NAV2: variants seen among roughly 807,000 people sequenced by gnomAD.
NAV2 encodes the protein helicase, APC down-regulated 1.
Under a neutral mutation model 223.2 loss-of-function variants are expected in NAV2, and 54 were observed. The ratio of observed to expected loss-of-function variants is 0.24; its 90% confidence interval spans 0.19 to 0.30. NAV2 has a LOEUF of 0.30. Among genes scored for constraint, NAV2 ranks in the 10% least tolerant of loss-of-function variants. The pLI is 1.00. For synonymous variants in NAV2, 1,279 were observed against 1,239.3 expected, an observed-to-expected ratio of 1.03 and a Z score of -0.67; for missense variants, 2,806 against 3,147.5, an observed-to-expected ratio of 0.89 and a Z score of 2.60.
chr11:19,764,705 C>T lies in NAV2; in HGVS notation c.267+50743C>T, dbSNP rs540251012. Among the ~76,000 whole-genome samples, 7 of 152,180 alleles carry T rather than the reference C, an allele frequency of 4.6e-5. 1 individual carries two copies. In the South Asian group the frequency reaches 8.3e-4, roughly 18 times the overall value. On this transcript the variant is annotated intron_variant, in intron 1 of 37. Transcript: ENST00000349880. ...ATCATCATTCTTTATGTTATATGTG[C>T]GTGCATCTTGCATGAATGTATATAT... is the stretch of plus-strand genomic sequence containing the variant.
rs1047370159 is a variant in NAV2, at chr11:19,785,121, G to A, written c.268-47363G>A. On this transcript the variant is annotated intron_variant, in intron 1 of 37. Coordinates refer to ENST00000349880, the MANE Select transcript of NAV2 (RefSeq NM_145117.5). ...CGATCGGGTAGGTGACTTCATGCTG[G>A]GGCAGCCACAGGAAGAGTTTGGAAA... Among the ~76,000 whole-genome samples, 13 of 152,162 alleles carry A rather than the reference G, an allele frequency of 8.5e-5. No homozygotes were observed. The East Asian group carries it at 9.6e-4, about 11-fold the overall frequency.
At chr11:19,724,329 C>T (rs143255378) in intron 1 of NAV2, among the ~76,000 whole-genome samples, 181 of 152,294 alleles carry the variant, frequency 1.2e-3, no homozygotes, top group Non-Finnish European at 4.1e-4. Context: ...ATATTTTTTC[C>T]CCTCCTTCTA....
chr11:19,883,294 C>A (rs534938155), intron 5 of NAV2, among the ~76,000 whole-genome samples: 1 of 152,248 alleles, frequency 6.6e-6, no homozygotes, highest in East Asian at 1.9e-4. Flanking sequence ...GCTCCACTGG[C>A]ATGAAGGAAT....
intron 1 of NAV2, among the ~76,000 whole-genome samples, chr11:19,362,249 A>G (rs1024652188): frequency 6.6e-6 from 1 of 152,234 alleles, no homozygotes; most frequent in African/African-American, 2.4e-5. Flanking sequence ...TCTCGAAGCC[A>G]GCTCTATGTG....
chr11:19,429,284 T>C (rs566877017), intron 1 of NAV2, among the ~76,000 whole-genome samples: 1 of 135,714 alleles, frequency 7.4e-6, no homozygotes, highest in East Asian at 2.2e-4. Flanking sequence ...TGGGCACTTC[T>C]TGGCACGGCC....
intron 1 of NAV2, among the ~76,000 whole-genome samples, chr11:19,593,273 G>GT (rs2046112497): frequency 1.3e-5 from 2 of 152,080 alleles, no homozygotes; most frequent in Non-Finnish European, 1.5e-5. Flanking sequence ...CTTGGCTTTT[G>GT]TTTTTTTCCC....
intron 1 of NAV2, among the ~76,000 whole-genome samples, chr11:19,397,418 T>TGTGTGTGTGTGCGC (rs57566081): frequency 2.1e-4 from 30 of 145,356 alleles, no homozygotes; most frequent in African/African-American, 3.9e-4. Context: ...TGTGTGTGTG[T>TGTGTGTGTGTGCGC]GCGCGCATGT....
chr11:19,985,907 C>T (rs1041088299), intron 11 of NAV2, among the ~76,000 whole-genome samples: 1 of 151,588 alleles, frequency 6.6e-6, no homozygotes, highest in Non-Finnish European at 1.5e-5. Context: ...AGAAACTAAA[C>T]TCTCTGTAAC....
intron 1 of NAV2, among the ~76,000 whole-genome samples, chr11:19,490,582 T>C (rs1435201312): frequency 6.6e-6 from 1 of 152,230 alleles, no homozygotes; most frequent in Non-Finnish European, 1.5e-5. Context: ...AGTCACATCT[T>C]CAGGATCCAC....
At chr11:19,714,320 G>A (rs1252588125) in intron 1 of NAV2, 3 of 515,428 alleles carry the variant, frequency 5.8e-6, no homozygotes, top group African/African-American at 5.7e-5. Flanking sequence ...AGTATCCGCA[G>A]CAGCAGCTGT....
intron 37 of NAV2, among the ~76,000 whole-genome samples, chr11:20,115,389 CT>C (rs1034371837): frequency 2.0e-5 from 3 of 152,064 alleles, no homozygotes; most frequent in African/African-American, 7.2e-5. Context: ...AATCCCAGCA[CT>C]TTGAGAGGCC....
chr11:19,496,949 C>T (rs1440840229), intron 1 of NAV2, among the ~76,000 whole-genome samples: 2 of 152,262 alleles, frequency 1.3e-5, no homozygotes, highest in South Asian at 2.1e-4. Context: ...CTGGGGTTAC[C>T]CTGGACTTTT....
At chr11:20,081,158 G>A (rs1419109014) in intron 25 of NAV2, among the ~76,000 whole-genome samples, 1 of 152,116 alleles carries the variant, frequency 6.6e-6, no homozygotes, top group East Asian at 1.9e-4. Flanking sequence ...AGTAATTTTG[G>A]TTGTCAATGA....
chr11:19,791,590 C>A (rs1402428974), intron 1 of NAV2, among the ~76,000 whole-genome samples: 2 of 152,138 alleles, frequency 1.3e-5, no homozygotes, highest in East Asian at 3.8e-4. Flanking sequence ...GTTCTTCCCT[C>A]CCTAAAAAGA....
At chr11:19,991,380 C>T (rs995900730) in intron 11 of NAV2, among the ~76,000 whole-genome samples, 1 of 152,156 alleles carries the variant, frequency 6.6e-6, no homozygotes, top group Non-Finnish European at 1.5e-5. Flanking sequence ...CTGCCTCAGC[C>T]TCCCAAAGTG....
chr11:20,075,409 G>T lies in NAV2; in HGVS notation c.4984-2143G>T, dbSNP rs906542180. Among the ~76,000 whole-genome samples, 5 of 137,224 alleles carry T rather than the reference G, an allele frequency of 3.6e-5. No homozygotes were observed. In the South Asian group the frequency reaches 1.4e-3, roughly 39 times the overall value. The allele number at this position is 137,224 out of a possible 152,430, so 90.0% of individuals were successfully genotyped here. A position where few individuals can be genotyped will look rare whatever the true frequency, so the allele number is the denominator to read the frequency against. ...CAGCTAGTTTTTTGTTTGTTTGTTTGTTTTTGTATTTTTAGTAGAGACGGG... is the reference window on the plus strand; with the variant it reads ...CAGCTAGTTTTTTGTTTGTTTGTTTTTTTTTGTATTTTTAGTAGAGACGGG... On this transcript the variant is annotated intron_variant, in intron 22 of 37. Coordinates refer to ENST00000349880, the MANE Select transcript of NAV2 (RefSeq NM_145117.5).
At chr11:19,924,063 A>G (rs1282817042) in intron 6 of NAV2, among the ~76,000 whole-genome samples, 1 of 152,160 alleles carries the variant, frequency 6.6e-6, no homozygotes, top group Non-Finnish European at 1.5e-5. Flanking sequence ...AATACATTTG[A>G]TGTAAAGGGC....
chr11:19,667,158 G>A (rs576544951), intron 1 of NAV2, among the ~76,000 whole-genome samples: 153 of 152,324 alleles, frequency 1.0e-3, no homozygotes, highest in African/African-American at 3.6e-3. Flanking sequence ...GGTTCTCAGA[G>A]CCAGGGCCTT....
At chr11:20,069,880 C>T (rs1382210698) in intron 22 of NAV2, among the ~76,000 whole-genome samples, 1 of 152,150 alleles carries the variant, frequency 6.6e-6, no homozygotes, top group African/African-American at 2.4e-5. Context: ...GGAACCATTT[C>T]TCTTTAAGGT....
Sources: gnomAD v4.1 joint callset for allele counts (sites outside exome capture counted in the v4.1 genomes callset) on GRCh38, gnomAD v4.1.1 for gene constraint, MANE v1.5 for transcripts, NCBI Gene and HGNC (gene_info 2026-07-23, HGNC 2026-07-21) for gene names.